KIAA0408: variants seen among roughly 807,000 people sequenced by gnomAD.
KIAA0408 encodes the protein KIAA0408.
In KIAA0408, 51 loss-of-function variants were observed where a neutral mutation model predicts 60.9. The observed-to-expected ratio is 0.84, with a 90% CI of 0.67 to 1.06. KIAA0408 has a LOEUF of 1.06. Among genes scored for constraint, KIAA0408 ranks in the 50% least tolerant of loss-of-function variants. The probability of loss-of-function intolerance (pLI) is 0.00; values close to 1 mark genes in which losing one functional copy is unlikely to be tolerated. For synonymous variants in KIAA0408, 304 were observed against 282.4 expected, an observed-to-expected ratio of 1.08 and a Z score of -0.77; for missense variants, 787 against 833.9, an observed-to-expected ratio of 0.94 and a Z score of 0.69.
At chr6:127,458,022 A>G (rs986153209) in intron 1 of KIAA0408, among the ~76,000 whole-genome samples, 2 of 152,158 alleles carry the variant, frequency 1.3e-5, no homozygotes, top group Admixed American at 6.6e-5. Flanking sequence ...ATAATTAAAG[A>G]TTTTTCATTT....
At position 127,446,667 on chromosome 6, in the gene KIAA0408, G is replaced by C; in HGVS notation, c.1652C>G (p.Pro551Arg). 2 of 1,613,886 alleles carry C rather than the reference G, an allele frequency of 1.2e-6. No individual in the cohort carries two copies. The highest frequency in any genetic ancestry group is 1.7e-6 in the Non-Finnish European group (2 of 1,179,962). ...ATTTGACCTGGGATCAGCTGACCTC[G>C]GACGGCCAGACAAATTACTCGGTCT... ...DWRPSNLSGR[P>R]RSADPRSNYG... The change falls in exon 5 of 6, where the codon CCG (proline) becomes CGG (arginine). Residue 551 changes from proline to arginine, a missense_variant. This residue lies in a region of KIAA0408 where 640 missense variants were observed against 681.3 expected (regional missense o/e 0.94). Transcript: ENST00000483725.
chr6:127,454,764 C>G (rs1307675256), intron 1 of KIAA0408, among the ~76,000 whole-genome samples: 1 of 152,160 alleles, frequency 6.6e-6, no homozygotes, highest in Non-Finnish European at 1.5e-5. Context: ...TATCCATGCT[C>G]TCTTTTCCTT....
chr6:127,446,960 A>G lies in KIAA0408; in HGVS notation c.1359T>C (p.Asp453=). The change falls in exon 5 of 6, where the codon GAT becomes GAC. Residue 453 remains aspartate, a synonymous_variant. Transcript: ENST00000483725. ...TTTGCTGTATTGCCTGACAATTTCT[A>G]TCTGTTCTAAATACAGTTCTGTTAA... ...DEFNRTVFRT[D]RNCQAIQQNH... 6.2e-7 allele frequency: 1 copy of G among 1,614,012 alleles called. No individual in the cohort carries two copies. The highest frequency in any genetic ancestry group is 1.7e-5 in the Admixed American group (1 of 60,000).
chr6:127,448,450 A>G (rs912132902), intron 4 of KIAA0408, among the ~76,000 whole-genome samples: 11 of 152,200 alleles, frequency 7.2e-5, no homozygotes, highest in African/African-American at 2.4e-4. Flanking sequence ...AATGTCTTTG[A>G]ATTACAAATA....
At position 127,444,201 on chromosome 6, in the gene KIAA0408, A is replaced by G. The variant is rs766352146; in HGVS notation, c.1993T>C (p.Trp665Arg). Residue 665 changes from tryptophan to arginine, a missense_variant, in exon 6 of 6, where the codon TGG (tryptophan) becomes CGG (arginine). Trp to Arg is a moderately radical substitution (Grantham distance 101, BLOSUM62 -3). This residue lies in a region of KIAA0408 where 133 missense variants were observed against 119.2 expected (regional missense o/e 1.12). Transcript: ENST00000483725. Reference protein sequence around the residue: ...RPANRRLPSRWASRSPSAPPA... With the variant: ...RPANRRLPSRRASRSPSAPPA... ...GGTGCAGATGGAGATCTGGATGCCC[A>G]TCTGGAGGGGAGACGACGATTTGCT... The G allele has an allele frequency of 1.2e-6, 2 of 1,613,694 alleles. No homozygotes were observed. The highest frequency in any genetic ancestry group is 2.2e-5 in the South Asian group (2 of 91,044).
At chr6:127,452,237 C>T (rs1250577768) in intron 2 of KIAA0408, among the ~76,000 whole-genome samples, 1 of 152,128 alleles carries the variant, frequency 6.6e-6, no homozygotes, top group Non-Finnish European at 1.5e-5. Flanking sequence ...ATTTAACATA[C>T]AGAACTTTGT....
rs1471149544 is a variant in KIAA0408, at chr6:127,440,613, A to T, written c.*3496T>A. On this transcript the variant is annotated 3_prime_UTR_variant, in exon 6 of 6. Transcript: ENST00000483725. ...AGTGCTGGGATTACAGGCAAGAGCCACCGCGCCCACCAGTTCTAAGTTCCG... is the reference window on the plus strand; with the variant it reads ...AGTGCTGGGATTACAGGCAAGAGCCTCCGCGCCCACCAGTTCTAAGTTCCG... The T allele has an allele frequency of 6.6e-6, 1 of 152,166 alleles. No individual in the cohort carries two copies. Among genetic ancestry groups the T allele is most frequent in the Non-Finnish European group, 1.5e-5 (1 of 68,046 alleles). The allele number at this position is 152,166 out of a possible 1,614,324, so 9.4% of individuals were successfully genotyped here.
At chr6:127,450,861 C>T (rs1773290881) in intron 2 of KIAA0408, 1 of 156,316 alleles carries the variant, frequency 6.4e-6, no homozygotes, top group Non-Finnish European at 1.4e-5. Context: ...AAGATGTTTC[C>T]TTTGGTTGGT....
chr6:127,446,469 T>C lies in KIAA0408; in HGVS notation c.1850A>G (p.Lys617Arg), dbSNP rs776162337. ...TTCCTGTCCCCCCCACACAGCTGTC[T>C]TTTGCTGAAACTGTTGTTCCATTTG... ...MLQMEQQFQQ[K>R]TAVWGGQEVK... Residue 617 changes from lysine (K) to arginine (R), a missense_variant, in exon 5 of 6, where the codon AAG becomes AGG. This residue lies in a region of KIAA0408 where 133 missense variants were observed against 119.2 expected (regional missense o/e 1.12). Coordinates refer to ENST00000483725, the MANE Select transcript of KIAA0408 (RefSeq NM_014702.5). 2 of 1,614,060 alleles carry C rather than the reference T, an allele frequency of 1.2e-6. No individual in the cohort carries two copies. Among genetic ancestry groups the C allele is most frequent in the South Asian group, 2.2e-5 (2 of 91,078 alleles).
intron 4 of KIAA0408, 77 bp from the exon 5 acceptor site, chr6:127,447,817 C>G: frequency 6.9e-7 from 1 of 1,448,584 alleles, no homozygotes; most frequent in Non-Finnish European, 9.1e-7. Context: ...ATAGCTAAAG[C>G]AATGAGTTTC....
At position 127,447,664 on chromosome 6, in the gene KIAA0408, C is replaced by G. The variant is rs1773227597; in HGVS notation, c.655G>C (p.Asp219His). The G allele has an allele frequency of 6.2e-7, 1 of 1,600,210 alleles. No individual in the cohort carries two copies. Among genetic ancestry groups the G allele is most frequent in the Non-Finnish European group, 8.5e-7 (1 of 1,176,008 alleles). Residue 219 changes from aspartate (D) to histidine (H), a missense_variant, in exon 5 of 6, where the codon GAC becomes CAC. Asp to His is a moderately conservative substitution (Grantham distance 81, BLOSUM62 -1). Around this residue, in one of 3 missense-constraint regions of KIAA0408, gnomAD observed 640 missense variants for 681.3 expected, o/e 0.94. Coordinates refer to ENST00000483725, the MANE Select transcript of KIAA0408 (RefSeq NM_014702.5). ...IPHGDPMINN[D>H]QCILPISLEK... ...AAACTGATTGGAAGAATGCACTGGT[C>G]ATTGTTGATCATGGGGTCCCCATGA...
At chr6:127,457,864 C>A (rs971968144) in intron 1 of KIAA0408, among the ~76,000 whole-genome samples, 2 of 152,192 alleles carry the variant, frequency 1.3e-5, no homozygotes, top group African/African-American at 4.8e-5. Flanking sequence ...CCAACTCGCC[C>A]ATTGAAAACT....
rs976201273 is a variant in KIAA0408 at position 127,442,680 on chromosome 6, A to T, written c.*1429T>A. ...CAGGTCATGGGGTACAATGAAGTGA[A>T]TTTCTCTAAATGGTTCAAATACATC... is the stretch of plus-strand genomic sequence containing the variant. On this transcript the variant is annotated 3_prime_UTR_variant, in exon 6 of 6. Coordinates refer to ENST00000483725, the MANE Select transcript of KIAA0408 (RefSeq NM_014702.5). The T allele has an allele frequency of 9.2e-5, 14 of 152,190 alleles. No individual in the cohort carries two copies. The highest frequency in any genetic ancestry group is 3.4e-4 in the African/African-American group (14 of 41,464). 9.4% of individuals were successfully genotyped at this position (152,190 alleles called of 1,614,324 possible).
chr6:127,454,910 C>G (rs754361090), intron 1 of KIAA0408, among the ~76,000 whole-genome samples: 1 of 151,928 alleles, frequency 6.6e-6, no homozygotes, highest in Non-Finnish European at 1.5e-5. Flanking sequence ...CCTTCAGGGA[C>G]GTGTACTTAA....
At chr6:127,448,690 C>G (rs1773246556) in intron 4 of KIAA0408, among the ~76,000 whole-genome samples, 2 of 151,952 alleles carry the variant, frequency 1.3e-5, no homozygotes, top group South Asian at 4.1e-4. Flanking sequence ...TACCTATTAA[C>G]AGAGAATAGA....
rs532298412 is a variant in KIAA0408 at position 127,449,976 on chromosome 6, C to T, written c.498+14G>A. 26 of 1,613,754 alleles carry T rather than the reference C, an allele frequency of 1.6e-5. No individual in the cohort carries two copies. In the African/African-American group the frequency reaches 3.3e-4, roughly 21 times the overall value. On this transcript the variant is annotated intron_variant, in intron 3 of 5. Transcript: ENST00000483725. ...TCTTTAGAAACAGTTCTAGGCCAAT[C>T]ACATCTTACTTACTGTACTGAGGGC...
rs1240023462 is a variant in KIAA0408 at position 127,442,942 on chromosome 6, CATTTCT to C, written c.*1161_*1166del. 6.6e-6 allele frequency: 1 copy of C among 152,126 alleles called. No individual in the cohort carries two copies. Among genetic ancestry groups the C allele is most frequent in the Non-Finnish European group, 1.5e-5 (1 of 68,004 alleles). The allele number at this position is 152,126 out of a possible 1,614,324, so 9.4% of individuals were successfully genotyped here. On this transcript the variant is annotated 3_prime_UTR_variant, in exon 6 of 6. Transcript: ENST00000483725. ...GTATGCAAACTGTAGCCAAAATACA[CATTTCT>C]ATTCCTGATGCTACTGTGGATGTCA...
At position 127,444,176 on chromosome 6, in the gene KIAA0408, G is replaced by T; in HGVS notation, c.2018C>A (p.Pro673His). 2 of 1,613,740 alleles carry T rather than the reference G, an allele frequency of 1.2e-6. No individual in the cohort carries two copies. Among genetic ancestry groups the T allele is most frequent in the South Asian group, 1.1e-5 (1 of 91,062 alleles). ...SRWASRSPSA[P>H]PALRRTTHNY... ...GTGGGTAGTTCTCCGCAAGGCAGGG[G>T]GTGCAGATGGAGATCTGGATGCCCA... Residue 673 changes from proline to histidine, a missense_variant, in exon 6 of 6, where the codon CCC becomes CAC. By Grantham distance (77) the Pro-to-His change is moderately conservative. Transcript: ENST00000483725.
intron 1 of KIAA0408, among the ~76,000 whole-genome samples, chr6:127,457,092 T>C (rs974113496): frequency 6.6e-6 from 1 of 152,174 alleles, no homozygotes; most frequent in Non-Finnish European, 1.5e-5. Flanking sequence ...TTCTCCATGA[T>C]CTTCTTTTGC....
Sources: allele counts gnomAD v4.1 joint callset (sites outside exome capture counted in the v4.1 genomes callset), GRCh38; gene constraint gnomAD v4.1.1; regional missense constraint gnomAD v4.1.1; transcripts MANE v1.5; gene names NCBI Gene and HGNC (gene_info 2026-07-23, HGNC 2026-07-21).